FGF18: variants seen among roughly 807,000 people sequenced by gnomAD.
FGF18 encodes fibroblast growth factor 18.
A neutral mutation model predicts 23.0 loss-of-function variants in FGF18; 5 were observed. The observed-to-expected ratio is 0.22, with a 90% CI of 0.11 to 0.46. The LOEUF is 0.46. Ranked by LOEUF, FGF18 falls within the 20% of genes least tolerant of loss-of-function variation. The pLI is 0.99. For synonymous variants in FGF18, 117 were observed against 118.9 expected (o/e 0.98, Z 0.10); for missense variants, 180 against 291.6 (o/e 0.62, Z 2.79).
intron 3 of FGF18, among the ~76,000 whole-genome samples, chr5:171,441,942 C>T (rs763384432): frequency 3.4e-4 from 51 of 152,122 alleles, no homozygotes; most frequent in African/African-American, 5.3e-4. Context: ...CCTTTCTATC[C>T]GGCCAGGCTT....
At chr5:171,432,517 T>A (rs985277391) in intron 2 of FGF18, among the ~76,000 whole-genome samples, 1 of 152,218 alleles carries the variant, frequency 6.6e-6, no homozygotes, top group African/African-American at 2.4e-5. Flanking sequence ...CAAGTGATTC[T>A]CCGGCCTCAG....
chr5:171,436,649 A>T lies in FGF18; in HGVS notation c.250+376A>T, dbSNP rs4074237. On this transcript the variant is annotated intron_variant, in intron 3 of 4. Transcript: ENST00000274625. The surrounding 1 kb of genome is among the most constrained non-coding windows in gnomAD (Gnocchi z 4.4). Reference sequence around the variant, plus strand: ...GCAGGAGCCTCGAGGTGATGCTTTTAGGAAGCTGCTGGTGGTGAAAATCAG... The same window carrying T: ...GCAGGAGCCTCGAGGTGATGCTTTTTGGAAGCTGCTGGTGGTGAAAATCAG... Among the ~76,000 whole-genome samples, 80,806 of 152,016 alleles carry T rather than the reference A, an allele frequency of 0.53. 21,662 individuals carry two copies. The highest frequency in any genetic ancestry group is 0.6 in the African/African-American group (24,807 of 41,434).
At chr5:171,425,797 T>C (rs561665625) in intron 2 of FGF18, among the ~76,000 whole-genome samples, 46 of 152,320 alleles carry the variant, frequency 3.0e-4, no homozygotes, top group African/African-American at 1.1e-3. Context: ...CCCAAAGTGC[T>C]GGGATTACTG....
chr5:171,427,055 A>G (rs1581270332), intron 2 of FGF18, among the ~76,000 whole-genome samples: 1 of 152,094 alleles, frequency 6.6e-6, no homozygotes, highest in South Asian at 2.1e-4. Context: ...CTAAAAATAG[A>G]AAAAATTAGC....
Position 171,434,809 on chromosome 5 carries a change from C to T in FGF18, c.70-1284C>T, listed in dbSNP as rs1296718696. ...GAGACACTGCTCCAGCTTTCTCTCC[C>T]TTTTTTTTTTTTTTTTGATGGTGCT... On this transcript the variant is annotated intron_variant, in intron 2 of 4. Transcript: ENST00000274625. This position sits in a 1 kb window ranked among gnomAD's most constrained non-coding sequence, Gnocchi z 4.6. 2.1e-5 allele frequency among the ~76,000 whole-genome samples: 3 copies of T among 141,770 alleles called. No individual in the cohort carries two copies. Among genetic ancestry groups the T allele is most frequent in the Admixed American group, 1.4e-4 (2 of 14,180 alleles). 93.0% of individuals were successfully genotyped at this position (141,770 alleles called of 152,430 possible).
chr5:171,422,006 G>A (rs1404568425), intron 2 of FGF18, among the ~76,000 whole-genome samples: 1 of 152,152 alleles, frequency 6.6e-6, no homozygotes, highest in Non-Finnish European at 1.5e-5. Flanking sequence ...CTGCTTGTCT[G>A]ACCTGGGCAA....
At chr5:171,433,790 G>A (rs1003380429) in intron 2 of FGF18, among the ~76,000 whole-genome samples, 4 of 152,196 alleles carry the variant, frequency 2.6e-5, no homozygotes, top group Admixed American at 6.5e-5. Flanking sequence ...CATGGTGCAA[G>A]GTTGTCAGGA....
At chr5:171,444,546 G>T (rs1007911820) in intron 3 of FGF18, among the ~76,000 whole-genome samples, 1 of 140,508 alleles carries the variant, frequency 7.1e-6, no homozygotes, top group African/African-American at 2.6e-5. Flanking sequence ...GGCCTCAGAG[G>T]TTACCTAGAT....
chr5:171,447,721 T>A (rs756389931), intron 3 of FGF18, among the ~76,000 whole-genome samples: 5 of 152,202 alleles, frequency 3.3e-5, no homozygotes, highest in Non-Finnish European at 7.3e-5. Flanking sequence ...TAAATTTTTT[T>A]ATTAAAATCA....
At chr5:171,430,032 A>G (rs1164799739) in intron 2 of FGF18, among the ~76,000 whole-genome samples, 1 of 152,234 alleles carries the variant, frequency 6.6e-6, no homozygotes, top group Admixed American at 6.5e-5. Flanking sequence ...AACCTCTCTG[A>G]GCCTCAGTTT....
chr5:171,440,137 T>C lies in FGF18; in HGVS notation c.250+3864T>C, dbSNP rs997789109. 7.9e-5 allele frequency among the ~76,000 whole-genome samples: 12 copies of C among 152,084 alleles called. No individual in the cohort carries two copies. Among genetic ancestry groups the C allele is most frequent in the African/African-American group, 2.9e-4 (12 of 41,404 alleles). On this transcript the variant is annotated intron_variant, in intron 3 of 4. Transcript: ENST00000274625. The surrounding 1 kb of genome is among the most constrained non-coding windows in gnomAD (Gnocchi z 4.0). ...GTTTCCTCTTCTACAAACAGGGAAA[T>C]TGAAATGAGAGAATCTTATGCCCAA...
intron 2 of FGF18, among the ~76,000 whole-genome samples, chr5:171,422,891 C>T (rs1336439092): frequency 1.3e-5 from 2 of 152,192 alleles, no homozygotes; most frequent in African/African-American, 4.8e-5. Flanking sequence ...AGAGTCTTAG[C>T]TGCATCATTT....
At chr5:171,421,146 G>A (rs1402695023) in intron 2 of FGF18, among the ~76,000 whole-genome samples, 1 of 152,156 alleles carries the variant, frequency 6.6e-6, no homozygotes, top group Non-Finnish European at 1.5e-5. Context: ...GCTAAAATCT[G>A]ATCTGTTACT....
chr5:171,427,064 G>A (rs903604198), intron 2 of FGF18, among the ~76,000 whole-genome samples: 1 of 152,102 alleles, frequency 6.6e-6, no homozygotes, highest in East Asian at 1.9e-4. Context: ...GAAAAAATTA[G>A]CCGGGCATAG....
chr5:171,455,569 C>A (rs1210500562), intron 4 of FGF18, among the ~76,000 whole-genome samples: 1 of 152,196 alleles, frequency 6.6e-6, no homozygotes. Context: ...AATGATGTGA[C>A]CAGGACGTAG....
At chr5:171,437,287 C>G (rs1772262095) in intron 3 of FGF18, among the ~76,000 whole-genome samples, 1 of 152,210 alleles carries the variant, frequency 6.6e-6, no homozygotes. Flanking sequence ...TTTCTTGGAC[C>G]TTTTATCTTG....
At position 171,440,516 on chromosome 5, in the gene FGF18, T is replaced by C. The variant is rs147438842; in HGVS notation, c.250+4243T>C. Among the ~76,000 whole-genome samples the C allele has an allele frequency of 2.3e-3, 345 of 152,270 alleles. 2 individuals carry two copies. The highest frequency in any genetic ancestry group is 6.0e-3 in the South Asian group (29 of 4,814). ...CCCAAGCACCAGGGGAGGGGGCTAC[T>C]GTGGTGAGTGACATGCCTCGTCCCA... On this transcript the variant is annotated intron_variant, in intron 3 of 4. Transcript: ENST00000274625. This position sits in a 1 kb window ranked among gnomAD's most constrained non-coding sequence, Gnocchi z 4.0.
intron 3 of FGF18, among the ~76,000 whole-genome samples, chr5:171,438,078 A>G (rs1215995044): frequency 6.7e-6 from 1 of 149,888 alleles, no homozygotes; most frequent in Non-Finnish European, 1.5e-5. Flanking sequence ...GGGCTAACGC[A>G]GTGCTTCTTC....
chr5:171,439,892 A>G (rs915091276), intron 3 of FGF18, among the ~76,000 whole-genome samples: 9 of 147,814 alleles, frequency 6.1e-5, no homozygotes, highest in Non-Finnish European at 1.2e-4. Flanking sequence ...TCTGTTTGAG[A>G]AAAAAAAATG....
Sources: allele counts gnomAD v4.1 joint callset (sites outside exome capture counted in the v4.1 genomes callset), GRCh38; gene constraint gnomAD v4.1.1; non-coding constraint Gnocchi (gnomAD v3.1); transcripts MANE v1.5; gene names NCBI Gene and HGNC (gene_info 2026-07-23, HGNC 2026-07-21).